ADA: variants seen among roughly 807,000 people sequenced by gnomAD.
The protein encoded by ADA is adenosine deaminase.
ADA carries 45 observed loss-of-function variants against 49.0 expected under a neutral mutation model. That is an observed-to-expected ratio of 0.92 (90% confidence interval 0.72 to 1.18). The LOEUF (loss-of-function observed/expected upper bound fraction) is 1.18, where lower values mean the gene tolerates loss of function less well. ADA is among the 50% of genes most tolerant of loss of function. The probability of loss-of-function intolerance (pLI) is 0.00; values close to 1 mark genes in which losing one functional copy is unlikely to be tolerated. For missense variants in ADA, 445 were observed against 472.5 expected, an observed-to-expected ratio of 0.94 and a Z score of 0.54; for synonymous variants, 173 against 184.2, an observed-to-expected ratio of 0.94 and a Z score of 0.49.
chr20:44,620,513 G>A, intron 10 of ADA, 112 bp from the exon 11 acceptor site: 1 of 912,282 alleles, frequency 1.1e-6, no homozygotes, highest in Non-Finnish European at 1.8e-6. Context: ...TACGCTTAGA[G>A]GGGGAAGGAT....
intron 5 of ADA, 89 bp from the exon 6 acceptor site, chr20:44,624,418 C>A (rs2065363254): frequency 1.3e-6 from 2 of 1,570,008 alleles, no homozygotes; most frequent in Non-Finnish European, 1.7e-6. Context: ...CCAAACCCCC[C>A]ATGGGAGGCC....
chr20:44,635,575 T>C (rs1394801788), intron 2 of ADA, among the ~76,000 whole-genome samples: 1 of 152,096 alleles, frequency 6.6e-6, no homozygotes, highest in Non-Finnish European at 1.5e-5. Flanking sequence ...TGTGAGCACA[T>C]CACCTGCTAT....
chr20:44,622,540 T>C, intron 9 of ADA, 48 bp downstream of exon 9: 2 of 1,609,236 alleles, frequency 1.2e-6, no homozygotes, highest in Non-Finnish European at 1.7e-6. Context: ...CTTCCCTCTT[T>C]GGCCTTCCTG....
intron 1 of ADA, among the ~76,000 whole-genome samples, chr20:44,645,774 C>T (rs181094752): frequency 1.7e-4 from 26 of 152,102 alleles, no homozygotes; most frequent in African/African-American, 6.0e-4. Context: ...ACTGAGGCAC[C>T]GTGAAGTTAA....
intron 1 of ADA, among the ~76,000 whole-genome samples, chr20:44,641,833 T>C (rs2065538588): frequency 6.6e-6 from 1 of 151,524 alleles, no homozygotes. Context: ...AGTGGCAAGA[T>C]CTCAGCTCAT....
At position 44,624,322 on chromosome 20, in the gene ADA, G is replaced by A. The variant is rs760888818; in HGVS notation, c.486C>T (p.Ser162=). The A allele has an allele frequency of 6.2e-7, 1 of 1,613,508 alleles. No homozygotes were observed. Among genetic ancestry groups the A allele is most frequent in the Admixed American group, 1.7e-5 (1 of 60,010 alleles). ...LCCMRHQPNW[S]PKVVELCKKY... The stretch of plus-strand genomic sequence containing the variant: ...TCTTACACAGCTCCACCACCTTGGG[G>A]GACCAGTCTGTGGGCGAGATGCCCA... Residue 162 remains serine (S), a synonymous_variant, in exon 6 of 12, where the codon TCC becomes TCT. Transcript: ENST00000372874.
chr20:44,638,238 A>T (rs187514121), intron 1 of ADA, among the ~76,000 whole-genome samples: 3 of 152,304 alleles, frequency 2.0e-5, no homozygotes, highest in Admixed American at 1.3e-4. Context: ...ATTAGTAGGC[A>T]GGGAGTTCTT....
At chr20:44,632,709 T>A (rs894094029) in intron 2 of ADA, among the ~76,000 whole-genome samples, 1 of 152,228 alleles carries the variant, frequency 6.6e-6, no homozygotes, top group Non-Finnish European at 1.5e-5. Context: ...TTTGTTTTTT[T>A]GAGACGGAGT....
Position 44,621,032 on chromosome 20 carries a change from C to T in ADA, c.961G>A (p.Glu321Lys). The T allele has an allele frequency of 1.9e-6, 3 of 1,614,088 alleles. No homozygotes were observed. Among genetic ancestry groups the T allele is most frequent in the Non-Finnish European group, 2.5e-6 (3 of 1,180,016 alleles). Residue 321 changes from glutamate (E) to lysine (K), a missense_variant, in exon 10 of 12, where the codon GAG becomes AAG. Transcript: ENST00000372874. ...TKRDMGFTEE[E>K]FKRLNINAAK... is the part of the protein sequence containing the mutation. ...CACCCACTCACCAGCCTTTTAAACT[C>T]CTCTTCAGTAAAGCCCATGTCCCGT...
intron 1 of ADA, among the ~76,000 whole-genome samples, chr20:44,642,991 G>A (rs1212748880): frequency 6.6e-6 from 1 of 152,122 alleles, no homozygotes; most frequent in African/African-American, 2.4e-5. Context: ...GCCCAGACGC[G>A]TTTCAGGTGT....
intron 10 of ADA, 23 bp downstream of exon 10, chr20:44,620,995 C>T (rs2065325479): frequency 1.2e-6 from 2 of 1,613,670 alleles, no homozygotes; most frequent in South Asian, 2.2e-5. Flanking sequence ...GAGTCAAGGC[C>T]AGTATGGCTC....
intron 1 of ADA, among the ~76,000 whole-genome samples, chr20:44,639,632 T>G (rs563866228): frequency 9.1e-4 from 138 of 152,152 alleles, no homozygotes; most frequent in Admixed American, 2.7e-3. Flanking sequence ...AGGCTGGTCT[T>G]GAACTCCTGA....
At chr20:44,642,750 G>T (rs1212010390) in intron 1 of ADA, among the ~76,000 whole-genome samples, 4 of 152,196 alleles carry the variant, frequency 2.6e-5, no homozygotes, top group Non-Finnish European at 4.4e-5. Context: ...ACCAGCTACT[G>T]CGGGAGGGAA....
At chr20:44,628,521 G>A (rs2065403125) in intron 3 of ADA, among the ~76,000 whole-genome samples, 1 of 143,728 alleles carries the variant, frequency 7.0e-6, no homozygotes, top group Non-Finnish European at 1.5e-5. Context: ...GTGAGACTCT[G>A]TCTCAATAAA....
chr20:44,634,716 G>A (rs2065464155), intron 2 of ADA, among the ~76,000 whole-genome samples: 1 of 152,254 alleles, frequency 6.6e-6, no homozygotes, highest in African/African-American at 2.4e-5. Flanking sequence ...CTGGAAGTGC[G>A]AAAAGATGGA....
chr20:44,645,639 C>CT (rs2065583995), intron 1 of ADA, among the ~76,000 whole-genome samples: 1 of 152,148 alleles, frequency 6.6e-6, no homozygotes, highest in Non-Finnish European at 1.5e-5. Context: ...AAAGTAGGAC[C>CT]ATTACCAACC....
intron 9 of ADA, among the ~76,000 whole-genome samples, chr20:44,622,254 C>T (rs2065339013): frequency 6.6e-6 from 1 of 152,222 alleles, no homozygotes; most frequent in Non-Finnish European, 1.5e-5. Context: ...GCCAGAGGGA[C>T]TCCTGCTTCC....
At chr20:44,646,294 A>C (rs2065591007) in intron 1 of ADA, among the ~76,000 whole-genome samples, 1 of 152,152 alleles carries the variant, frequency 6.6e-6, no homozygotes, top group South Asian at 2.1e-4. Flanking sequence ...GATGAAACTC[A>C]GTCTCCTTTG....
At chr20:44,640,212 A>G (rs1441282624) in intron 1 of ADA, among the ~76,000 whole-genome samples, 5 of 152,114 alleles carry the variant, frequency 3.3e-5, no homozygotes, top group Non-Finnish European at 7.4e-5. Context: ...TTAGGAGTTC[A>G]ACACCAGCCT....
Sources: allele counts gnomAD v4.1 joint callset (sites outside exome capture counted in the v4.1 genomes callset), GRCh38; gene constraint gnomAD v4.1.1; transcripts MANE v1.5; gene names NCBI Gene and HGNC (gene_info 2026-07-23, HGNC 2026-07-21).